PIAS2: variants seen among roughly 807,000 people sequenced by gnomAD.
PIAS2 encodes E3 SUMO-protein ligase PIAS2.
PIAS2 carries 19 observed loss-of-function variants against 69.7 expected under a neutral mutation model. The ratio of observed to expected loss-of-function variants is 0.27; its 90% confidence interval spans 0.19 to 0.40. The LOEUF (loss-of-function observed/expected upper bound fraction) is 0.40, where lower values mean the gene tolerates loss of function less well. Among genes scored for constraint, PIAS2 ranks in the 10% least tolerant of loss-of-function variants. PIAS2 has a pLI of 1.00. For synonymous variants in PIAS2, 261 were observed against 263.2 expected (o/e 0.99, Z 0.08); for missense variants, 624 against 757.0 (o/e 0.82, Z 2.06).
At chr18:46,841,046 T>TC (rs1660785710) in intron 8 of PIAS2, among the ~76,000 whole-genome samples, 1 of 151,658 alleles carries the variant, frequency 6.6e-6, no homozygotes, top group African/African-American at 2.4e-5. Flanking sequence ...TCTTTTTCTC[T>TC]CCCCCAGCTA....
chr18:46,885,520 CAAA>C (rs562180662), intron 2 of PIAS2, among the ~76,000 whole-genome samples: 1 of 112,228 alleles, frequency 8.9e-6, no homozygotes. Context: ...GACTCCATCT[CAAA>C]AAAAAAAAAA....
In PIAS2 at chr18:46,829,898, G is replaced by A. The variant is rs1361203292; in HGVS notation, c.1203-31C>T. ...AAACAATTAAGAAGTACATACATGT[G>A]ATCAACAGCTTTGCCTAAAGGTGAA... is the stretch of plus-strand genomic sequence containing the variant. On this transcript the variant is annotated intron_variant, in intron 9 of 13. Transcript: ENST00000585916. The A allele has an allele frequency of 2.5e-6, 4 of 1,587,082 alleles. No individual in the cohort carries two copies. The African/African-American group carries it at 5.4e-5, about 22-fold the overall frequency.
chr18:46,830,631 GA>G (rs1384187382), intron 9 of PIAS2, among the ~76,000 whole-genome samples: 1 of 151,490 alleles, frequency 6.6e-6, no homozygotes, highest in Non-Finnish European at 1.5e-5. Flanking sequence ...CAAACAAATA[GA>G]AAAAAAGAAA....
At position 46,824,564 on chromosome 18, in the gene PIAS2, C is replaced by T. The variant is rs1323539979; in HGVS notation, c.1508+3395G>A. Among the ~76,000 whole-genome samples, 6 of 151,958 alleles carry T rather than the reference C, an allele frequency of 3.9e-5. 1 individual carries two copies. Among genetic ancestry groups the T allele is most frequent in the South Asian group, 4.1e-4 (2 of 4,826 alleles). The stretch of plus-strand genomic sequence containing the variant: ...AAGACTGCATTTAAAGACTCCGGTT[C>T]GTAAGCAAAGAAAGGGAATAGGACT... On this transcript the variant is annotated intron_variant, in intron 11 of 13. Transcript: ENST00000585916.
At chr18:46,839,635 AG>A (rs1198514325) in intron 8 of PIAS2, among the ~76,000 whole-genome samples, 3 of 151,938 alleles carry the variant, frequency 2.0e-5, no homozygotes, top group Non-Finnish European at 4.4e-5. Context: ...GAGGCCGAGG[AG>A]GGTGGATCAC....
At chr18:46,850,309 C>T (rs1161566152) in intron 5 of PIAS2, among the ~76,000 whole-genome samples, 1 of 152,048 alleles carries the variant, frequency 6.6e-6, no homozygotes, top group East Asian at 1.9e-4. Context: ...AAAACTAGAG[C>T]CCCACACCGC....
chr18:46,914,983 C>T (rs2057659579), intron 1 of PIAS2: 2 of 151,708 alleles, frequency 1.3e-5, no homozygotes, highest in African/African-American at 4.8e-5. Flanking sequence ...GTTTTTCTTC[C>T]TTTATTATAA....
In PIAS2 at chr18:46,891,052, A is replaced by G. The variant is rs1361541728; in HGVS notation, c.27T>C (p.Asn9=). 1 of 1,562,558 alleles carries G rather than the reference A, an allele frequency of 6.4e-7. No homozygotes were observed. The highest frequency in any genetic ancestry group is 2.0e-5 in the Admixed American group (1 of 50,080). Residue 9 remains asparagine (N), a splice_region_variant and synonymous_variant, in exon 2 of 14, where the codon AAT becomes AAC. Coordinates refer to ENST00000585916, the MANE Select transcript of PIAS2 (RefSeq NM_004671.5). The part of the protein sequence containing the change: MADFEELR[N]MVSSFRVSEL... Reference sequence around the variant, plus strand: ...CAGAAACCCTAAAACTAGAAACCATATTCTAAAAGGAAAGAAAAAAAAACA... The same window carrying G: ...CAGAAACCCTAAAACTAGAAACCATGTTCTAAAAGGAAAGAAAAAAAAACA...
At chr18:46,917,987 C>T (rs989439679), upstream of PIAS2, 1 of 152,162 alleles carries the variant, frequency 6.6e-6, no homozygotes, top group Non-Finnish European at 1.5e-5. Context: ...TTGCTAATGT[C>T]CTGCAAGTAC....
intron 13 of PIAS2, 56 bp downstream of exon 13, chr18:46,815,256 G>T: frequency 1.4e-6 from 2 of 1,441,554 alleles, no homozygotes; most frequent in East Asian, 2.3e-5. Context: ...TTTTTAGTTA[G>T]TATGACATAA....
intron 3 of PIAS2, among the ~76,000 whole-genome samples, chr18:46,860,191 C>A (rs1290234362): frequency 1.3e-5 from 2 of 152,178 alleles, no homozygotes; most frequent in Non-Finnish European, 2.9e-5. Context: ...TGTTTGGGTT[C>A]AATCCTGAGA....
chr18:46,886,839 C>T (rs971103068), intron 2 of PIAS2, among the ~76,000 whole-genome samples: 4 of 151,370 alleles, frequency 2.6e-5, no homozygotes, highest in Non-Finnish European at 2.9e-5. Flanking sequence ...CTCTGTCCCC[C>T]CCCTCCAAAA....
intron 1 of PIAS2, among the ~76,000 whole-genome samples, chr18:46,891,411 C>T (rs1006493904): frequency 6.6e-6 from 1 of 152,118 alleles, no homozygotes; most frequent in Admixed American, 6.5e-5. Flanking sequence ...AAACCAACCC[C>T]TCCCAATATA....
intron 5 of PIAS2, chr18:46,853,555 G>C (rs1265334189): frequency 6.6e-6 from 1 of 152,360 alleles, no homozygotes; most frequent in Non-Finnish European, 1.5e-5. Flanking sequence ...ACTTTGGGAG[G>C]CCAAGGCAGG....
intron 1 of PIAS2, among the ~76,000 whole-genome samples, chr18:46,900,809 C>A (rs4548968): frequency 0.62 from 93,368 of 151,418 alleles, 30,070 homozygotes; most frequent in African/African-American, 0.81. Flanking sequence ...CCCCATCTCT[C>A]CTAAAAATAC....
At chr18:46,834,590 T>C (rs2044160030) in intron 9 of PIAS2, among the ~76,000 whole-genome samples, 1 of 152,202 alleles carries the variant, frequency 6.6e-6, no homozygotes, top group Non-Finnish European at 1.5e-5. Context: ...AGGAAATTAG[T>C]AGACATTTTT....
chr18:46,825,503 T>C (rs1042483366), intron 11 of PIAS2, among the ~76,000 whole-genome samples: 9 of 152,196 alleles, frequency 5.9e-5, no homozygotes, highest in African/African-American at 2.2e-4. Context: ...TTCTCCTGGT[T>C]TAACAGCTTC....
At chr18:46,885,377 G>C (rs899147291) in intron 2 of PIAS2, among the ~76,000 whole-genome samples, 1 of 151,954 alleles carries the variant, frequency 6.6e-6, no homozygotes, top group Non-Finnish European at 1.5e-5. Context: ...AAAATTAGCT[G>C]GGCGTGGTGG....
At chr18:46,905,897 A>AT (rs959362341) in intron 1 of PIAS2, 2 of 152,158 alleles carry the variant, frequency 1.3e-5, no homozygotes, top group African/African-American at 2.4e-5. Flanking sequence ...GAAAAGGTAT[A>AT]TTTTTTAACT....
Sources: allele counts gnomAD v4.1 joint callset (sites outside exome capture counted in the v4.1 genomes callset), GRCh38; gene constraint gnomAD v4.1.1; transcripts MANE v1.5; gene names NCBI Gene and HGNC (gene_info 2026-07-23, HGNC 2026-07-21).